PLCB1: variants seen among roughly 807,000 people sequenced by gnomAD.
PLCB1 encodes the protein phospholipase C beta 1, also known as 1-phosphatidylinositol 4,5-bisphosphate phosphodiesterase beta-1.
PLCB1 carries 46 observed loss-of-function variants against 161.8 expected under a neutral mutation model. That is an observed-to-expected ratio of 0.28 (90% CI 0.22 to 0.36). PLCB1 has a LOEUF of 0.36. Ranked by LOEUF, PLCB1 falls within the 10% of genes least tolerant of loss-of-function variation. The pLI, the probability that PLCB1 is intolerant of heterozygous loss-of-function variation, is 1.00. For synonymous variants in PLCB1, 517 were observed against 503.7 expected, an observed-to-expected ratio of 1.03 and a Z score of -0.35; for missense variants, 1,016 against 1,472.5, an observed-to-expected ratio of 0.69 and a Z score of 5.07.
intron 3 of PLCB1, among the ~76,000 whole-genome samples, chr20:8,440,372 T>TTTA (rs924773652): frequency 6.6e-6 from 1 of 152,222 alleles, no homozygotes; most frequent in African/African-American, 2.4e-5. Flanking sequence ...TAGTCATGTT[T>TTTA]TTATTGTCTG....
chr20:8,252,256 C>G (rs1981183453), intron 2 of PLCB1, among the ~76,000 whole-genome samples: 1 of 151,934 alleles, frequency 6.6e-6, no homozygotes, highest in African/African-American at 2.4e-5. Context: ...CAGGCACCTG[C>G]TAGTCTCTGT....
At chr20:8,334,324 C>T (rs776212457) in intron 2 of PLCB1, among the ~76,000 whole-genome samples, 8 of 152,222 alleles carry the variant, frequency 5.3e-5, no homozygotes, top group Non-Finnish European at 8.8e-5. Flanking sequence ...CTTCCTTCAC[C>T]TGTAACTGAG....
intron 2 of PLCB1, among the ~76,000 whole-genome samples, chr20:8,264,746 C>T (rs1981870156): frequency 6.6e-6 from 1 of 151,962 alleles, no homozygotes; most frequent in Admixed American, 6.6e-5. Flanking sequence ...GGTACACACA[C>T]ATATGTTCAT....
At chr20:8,180,938 AGT>A (rs10604975) in intron 2 of PLCB1, among the ~76,000 whole-genome samples, 5,590 of 149,564 alleles carry the variant, frequency 0.037, 101 homozygotes, top group South Asian at 0.046. Flanking sequence ...ATAATGTAAA[AGT>A]GTGTGTGTGT....
At chr20:8,744,650 T>TAAAATAAAATAAAATAAAAA (rs1568582225) in intron 23 of PLCB1, among the ~76,000 whole-genome samples, 1 of 149,762 alleles carries the variant, frequency 6.7e-6, no homozygotes, top group Non-Finnish European at 1.5e-5. Flanking sequence ...TAAAATAAAA[T>TAAAATAAAATAAAATAAAAA]AAAATAAAAA....
chr20:8,668,036 G>A (rs1233492057), intron 9 of PLCB1, among the ~76,000 whole-genome samples: 1 of 152,048 alleles, frequency 6.6e-6, no homozygotes, highest in Non-Finnish European at 1.5e-5. Flanking sequence ...GTGTTGGGAG[G>A]GAGAGAGGCC....
chr20:8,424,924 G>A (rs1979686766), intron 3 of PLCB1, among the ~76,000 whole-genome samples: 3 of 152,128 alleles, frequency 2.0e-5, no homozygotes, highest in African/African-American at 7.2e-5. Context: ...CCCAAATACA[G>A]AATCTTCTTG....
chr20:8,694,261 G>A (rs1360346723), intron 10 of PLCB1, among the ~76,000 whole-genome samples: 2 of 152,150 alleles, frequency 1.3e-5, no homozygotes, highest in East Asian at 1.9e-4. Context: ...TGCATTCCAA[G>A]GAATAGGATA....
In PLCB1 at chr20:8,180,982, CGT is replaced by C. The variant is rs375376179; in HGVS notation, c.177+30620_177+30621del. ...GTGTGTGTGTGTGTATGTATGTGTG[CGT>C]GTGTGTGTAAAGAAGAATATGATTG... On this transcript the variant is annotated intron_variant, in intron 2 of 31. Coordinates refer to ENST00000338037, the MANE Select transcript of PLCB1 (RefSeq NM_015192.4). 2.8e-3 allele frequency among the ~76,000 whole-genome samples: 418 copies of C among 148,662 alleles called. 4 individuals carry two copies. Among genetic ancestry groups the C allele is most frequent in the African/African-American group, 9.4e-3 (380 of 40,634 alleles).
chr20:8,650,604 C>G (rs1190663155), intron 7 of PLCB1, among the ~76,000 whole-genome samples: 1 of 152,200 alleles, frequency 6.6e-6, no homozygotes, highest in Non-Finnish European at 1.5e-5. Flanking sequence ...TCCTTGAATT[C>G]TTTCCTGAGT....
intron 2 of PLCB1, among the ~76,000 whole-genome samples, chr20:8,363,099 A>G (rs768677173): frequency 1.3e-5 from 2 of 152,178 alleles, no homozygotes; most frequent in African/African-American, 2.4e-5. Flanking sequence ...GTGGAGTGCC[A>G]AGATACGTAA....
At chr20:8,229,856 C>CATAAAATAAAATAAAATAA (rs1555791645) in intron 2 of PLCB1, among the ~76,000 whole-genome samples, 1,418 of 35,048 alleles carry the variant, frequency 0.04, 40 homozygotes, top group East Asian at 0.19. Flanking sequence ...GAGCCCATCT[C>CATAAAATAAAATAAAATAA]ATAAAATAAA....
rs1464666472 is a variant in PLCB1 at position 8,708,753 on chromosome 20, G to A, written c.1250+1G>A. ...TTTCGTTTGAGAACCATGTGGATTC[G>A]TAAGTATTCAACACATTCAGGAATG... On this transcript the variant is annotated splice_donor_variant, in intron 12 of 31. Transcript: ENST00000338037. LOFTEE classifies it high-confidence loss of function. The A allele has an allele frequency of 3.1e-6, 5 of 1,594,260 alleles. No individual in the cohort carries two copies. The highest frequency in any genetic ancestry group is 1.3e-5 in the African/African-American group (1 of 74,648).
At chr20:8,340,863 C>T (rs952745929) in intron 2 of PLCB1, among the ~76,000 whole-genome samples, 2 of 152,184 alleles carry the variant, frequency 1.3e-5, no homozygotes, top group Non-Finnish European at 2.9e-5. Flanking sequence ...CCAGTCTCAA[C>T]AGAGAGGACT....
chr20:8,829,447 A>G (rs927037206), intron 31 of PLCB1, among the ~76,000 whole-genome samples: 3 of 152,212 alleles, frequency 2.0e-5, no homozygotes, highest in African/African-American at 7.2e-5. Flanking sequence ...TTAGACTTCT[A>G]GATTTTAAAA....
intron 31 of PLCB1, among the ~76,000 whole-genome samples, chr20:8,838,024 G>C (rs570976444): frequency 6.6e-6 from 1 of 151,604 alleles, no homozygotes; most frequent in Admixed American, 6.6e-5. Flanking sequence ...ATAGGCTGGT[G>C]ACTAAATTCT....
At position 8,863,520 on chromosome 20, in the gene PLCB1, C is replaced by T. The variant is rs7273395; in HGVS notation, c.3424-18102C>T. On this transcript the variant is annotated intron_variant, in intron 31 of 31. Transcript: ENST00000338037. ...ACTGGGCTCCCACCCCCAAAGCTTCCGACTTAGTAAGTTTAGGGTGAGCCT... is the reference window on the plus strand; with the variant it reads ...ACTGGGCTCCCACCCCCAAAGCTTCTGACTTAGTAAGTTTAGGGTGAGCCT... Among the ~76,000 whole-genome samples, 635 of 152,260 alleles carry T rather than the reference C, an allele frequency of 4.2e-3. 5 individuals are homozygous for T. The highest frequency in any genetic ancestry group is 0.014 in the African/African-American group (588 of 41,548).
At chr20:8,395,713 T>C (rs1987750956) in intron 3 of PLCB1, among the ~76,000 whole-genome samples, 1 of 152,016 alleles carries the variant, frequency 6.6e-6, no homozygotes, top group South Asian at 2.1e-4. Context: ...GCTCAAAATT[T>C]CATGGTTTGA....
chr20:8,373,740 G>A (rs1271924372), intron 3 of PLCB1, among the ~76,000 whole-genome samples: 1 of 152,118 alleles, frequency 6.6e-6, no homozygotes, highest in Admixed American at 6.5e-5. Flanking sequence ...CAGAATTGTA[G>A]AAAGCCACTT....
Sources: gnomAD v4.1 joint callset for allele counts (sites outside exome capture counted in the v4.1 genomes callset) on GRCh38, gnomAD v4.1.1 for gene constraint, MANE v1.5 for transcripts, NCBI Gene and HGNC (gene_info 2026-07-23, HGNC 2026-07-21) for gene names.